Variants in RBMS3 observed in about 807,000 individuals in gnomAD.
RBMS3 encodes RNA binding motif single stranded interacting protein 3.
RBMS3 carries 27 observed loss-of-function variants against 66.8 expected under a neutral mutation model. The ratio of observed to expected loss-of-function variants is 0.40; its 90% confidence interval spans 0.30 to 0.56. The LOEUF is 0.56. RBMS3 is among the 20% of genes least tolerant of loss of function. RBMS3 has a pLI of 0.40. For synonymous variants in RBMS3, 188 were observed against 183.0 expected, an observed-to-expected ratio of 1.03 and a Z score of -0.22; for missense variants, 513 against 549.5, an observed-to-expected ratio of 0.93 and a Z score of 0.66.
At chr3:29,701,660 C>T (rs910623532) in intron 4 of RBMS3, among the ~76,000 whole-genome samples, 8 of 152,082 alleles carry the variant, frequency 5.3e-5, no homozygotes, top group African/African-American at 1.2e-4. Flanking sequence ...TGGGCGGGCC[C>T]GCACTCGGAG....
intron 2 of RBMS3, among the ~76,000 whole-genome samples, chr3:29,448,717 T>A (rs1261894921): frequency 2.6e-5 from 4 of 152,154 alleles, no homozygotes; most frequent in Non-Finnish European, 5.9e-5. Flanking sequence ...AAGTCCTACA[T>A]CCTGGGAAAC....
intron 1 of RBMS3, among the ~76,000 whole-genome samples, chr3:29,317,288 A>T (rs2034738540): frequency 6.6e-6 from 1 of 151,818 alleles, no homozygotes; most frequent in South Asian, 2.1e-4. Flanking sequence ...ATAACTGGTG[A>T]AAGAATTTTT....
chr3:29,786,881 A>T (rs1410259008), intron 6 of RBMS3, among the ~76,000 whole-genome samples: 3 of 152,208 alleles, frequency 2.0e-5, no homozygotes, highest in Non-Finnish European at 2.9e-5. Context: ...CAGGAAAAGA[A>T]ATAATGAGCA....
At chr3:29,387,567 C>G (rs1161561907) in intron 1 of RBMS3, among the ~76,000 whole-genome samples, 2 of 152,056 alleles carry the variant, frequency 1.3e-5, no homozygotes, top group Non-Finnish European at 2.9e-5. Context: ...CCCTGCCTCC[C>G]CACAATCTGT....
intron 4 of RBMS3, among the ~76,000 whole-genome samples, chr3:29,619,496 T>C (rs943473451): frequency 1.3e-5 from 2 of 152,132 alleles, no homozygotes; most frequent in East Asian, 1.9e-4. Flanking sequence ...AGGCATGTAG[T>C]TGGGAGATCT....
intron 5 of RBMS3, among the ~76,000 whole-genome samples, chr3:29,756,487 A>C (rs923612690): frequency 6.6e-6 from 1 of 152,182 alleles, no homozygotes; most frequent in Non-Finnish European, 1.5e-5. Flanking sequence ...AGTAGGCAAG[A>C]GAGTGTGTGC....
At chr3:29,863,751 G>C (rs543660723) in intron 6 of RBMS3, among the ~76,000 whole-genome samples, 1 of 152,190 alleles carries the variant, frequency 6.6e-6, no homozygotes, top group Non-Finnish European at 1.5e-5. Context: ...TTTACAATAA[G>C]GGAAAATGTT....
At chr3:29,771,479 TA>T (rs1449736495) in intron 6 of RBMS3, among the ~76,000 whole-genome samples, 4 of 152,016 alleles carry the variant, frequency 2.6e-5, no homozygotes, top group African/African-American at 7.2e-5. Context: ...AATGGTCCTC[TA>T]AAGATCTGTA....
chr3:29,745,941 T>A (rs2054875232), intron 5 of RBMS3, among the ~76,000 whole-genome samples: 1 of 152,074 alleles, frequency 6.6e-6, no homozygotes, highest in Admixed American at 6.6e-5. Flanking sequence ...ACTAGCCTGC[T>A]TACTAAATAT....
chr3:30,008,654 A>G lies in RBMS3; in HGVS notation c.*4792A>G, dbSNP rs1020326518. The G allele has an allele frequency of 2.0e-5, 3 of 152,024 alleles. No individual in the cohort carries two copies. Among genetic ancestry groups the G allele is most frequent in the African/African-American group, 7.2e-5 (3 of 41,394 alleles). 9.4% of individuals were successfully genotyped at this position (152,024 alleles called of 1,614,324 possible). A position where few individuals can be genotyped will look rare whatever the true frequency, so the allele number is the denominator to read the frequency against. On this transcript the variant is annotated 3_prime_UTR_variant, in exon 15 of 15. Transcript: ENST00000383767. ...CAGGCTCATTGATTCTGTACACTCT[A>G]CCCTTCCTGTGGCAAGTGATAATGG...
chr3:29,337,775 TA>T (rs1258184991), intron 1 of RBMS3, among the ~76,000 whole-genome samples: 2 of 152,052 alleles, frequency 1.3e-5, no homozygotes, highest in African/African-American at 4.8e-5. Context: ...AAAGCACAAA[TA>T]AAAAACAACC....
chr3:29,351,457 CTG>C (rs938126264), intron 1 of RBMS3, among the ~76,000 whole-genome samples: 15 of 152,204 alleles, frequency 9.9e-5, no homozygotes, highest in African/African-American at 3.6e-4. Flanking sequence ...CCAATCTGAA[CTG>C]TGAAAAACAC....
chr3:29,461,752 TTC>T (rs202143677), intron 2 of RBMS3, among the ~76,000 whole-genome samples: 3 of 150,468 alleles, frequency 2.0e-5, no homozygotes, highest in Non-Finnish European at 1.5e-5. Context: ...CTCTACTTCT[TTC>T]TCTCTCTCTT....
Position 29,730,444 on chromosome 3 carries a change from G to T in RBMS3, c.400-9276G>T, listed in dbSNP as rs189886276. The stretch of plus-strand genomic sequence containing the variant: ...GGTGAATCTAGGTGAGCCTCAGCAA[G>T]CCTAAGCTGTCATATTCTAGGCAGA... On this transcript the variant is annotated intron_variant, in intron 4 of 14. Coordinates refer to ENST00000383767, the MANE Select transcript of RBMS3 (RefSeq NM_001003793.3). Among the ~76,000 whole-genome samples the T allele has an allele frequency of 3.1e-3, 479 of 152,252 alleles. 6 individuals are homozygous for T. The highest frequency in any genetic ancestry group is 0.011 in the African/African-American group (444 of 41,550).
At chr3:29,722,129 G>A (rs1041652860) in intron 4 of RBMS3, among the ~76,000 whole-genome samples, 1 of 152,134 alleles carries the variant, frequency 6.6e-6, no homozygotes, top group Non-Finnish European at 1.5e-5. Context: ...AAGCACTTAT[G>A]AGGAATACTT....
intron 3 of RBMS3, among the ~76,000 whole-genome samples, chr3:29,542,986 A>T (rs185222687): frequency 6.6e-6 from 1 of 152,340 alleles, no homozygotes; most frequent in Non-Finnish European, 1.5e-5. Context: ...AGAAATGATA[A>T]AACATGGGTT....
intron 6 of RBMS3, among the ~76,000 whole-genome samples, chr3:29,784,796 CAAGAA>C (rs1295863407): frequency 6.6e-6 from 1 of 151,782 alleles, no homozygotes; most frequent in African/African-American, 2.4e-5. Flanking sequence ...CAAAATTAAC[CAAGAA>C]AAGAAGAGAG....
chr3:29,950,570 G>T (rs1695616902), intron 12 of RBMS3, among the ~76,000 whole-genome samples: 1 of 151,806 alleles, frequency 6.6e-6, no homozygotes, highest in Admixed American at 6.6e-5. Context: ...CCTTGCCAGA[G>T]GCATGCGAGA....
intron 7 of RBMS3, among the ~76,000 whole-genome samples, chr3:29,874,106 A>G (rs1157632577): frequency 1.3e-5 from 2 of 152,202 alleles, no homozygotes; most frequent in African/African-American, 4.8e-5. Context: ...CATCCAGCTC[A>G]TTAAACATTT....
Sources: gnomAD v4.1 joint callset for allele counts (sites outside exome capture counted in the v4.1 genomes callset) on GRCh38, gnomAD v4.1.1 for gene constraint, MANE v1.5 for transcripts, NCBI Gene and HGNC (gene_info 2026-07-23, HGNC 2026-07-21) for gene names.